Variants in APH1B observed in about 807,000 individuals in gnomAD.
APH1B encodes the protein gamma-secretase subunit APH-1B.
A neutral mutation model predicts 28.2 loss-of-function variants in APH1B; 27 were observed. The observed-to-expected ratio is 0.96, with a 90% CI of 0.70 to 1.32. The LOEUF is 1.32. Ranked by LOEUF, APH1B falls within the 40% of genes most tolerant of loss-of-function variation. The pLI, the probability that APH1B is intolerant of heterozygous loss-of-function variation, is 0.00. For synonymous variants in APH1B, 141 were observed against 124.6 expected, an observed-to-expected ratio of 1.13 and a Z score of -0.88; for missense variants, 305 against 313.6, an observed-to-expected ratio of 0.97 and a Z score of 0.21.
chr15:63,303,871 C>CA (rs879308606), intron 5 of APH1B, among the ~76,000 whole-genome samples: 267 of 70,242 alleles, frequency 3.8e-3, no homozygotes, highest in African/African-American at 9.4e-3. Flanking sequence ...CACACACACA[C>CA]ACAACACACA....
chr15:63,301,450 A>AGTAC (rs1408997782), intron 4 of APH1B, among the ~76,000 whole-genome samples: 2 of 152,256 alleles, frequency 1.3e-5, no homozygotes, highest in Non-Finnish European at 2.9e-5. Flanking sequence ...ACTGTTAACC[A>AGTAC]GTACACAAGA....
At chr15:63,303,806 C>T (rs1310389137) in intron 5 of APH1B, among the ~76,000 whole-genome samples, 1 of 151,630 alleles carries the variant, frequency 6.6e-6, no homozygotes, top group African/African-American at 2.4e-5. Context: ...TCATTCTTAT[C>T]TATTGTGAAT....
At position 63,308,010 on chromosome 15, in the gene APH1B, A is replaced by T. The variant is rs928815384; in HGVS notation, c.*2229A>T. ...CAGCTTAGACACTGTTGTCGCAAAT[A>T]GCCATGCTTTGCCTTATGCCAAGGA... On this transcript the variant is annotated 3_prime_UTR_variant, in exon 6 of 6. Coordinates refer to ENST00000261879, the MANE Select transcript of APH1B (RefSeq NM_031301.4). The T allele has an allele frequency of 1.3e-5, 2 of 152,184 alleles. No individual in the cohort carries two copies. The highest frequency in any genetic ancestry group is 2.9e-5 in the Non-Finnish European group (2 of 68,032). 9.4% of individuals were successfully genotyped at this position (152,184 alleles called of 1,614,324 possible).
intron 1 of APH1B, chr15:63,278,203 A>G: frequency 2.3e-6 from 1 of 430,454 alleles, no homozygotes; most frequent in Non-Finnish European, 4.6e-6. Context: ...ACCCCGATCC[A>G]TTGAATCAGA....
chr15:63,301,600 C>CTT (rs911176475), intron 4 of APH1B, among the ~76,000 whole-genome samples: 3 of 145,090 alleles, frequency 2.1e-5, no homozygotes, highest in African/African-American at 7.6e-5. Context: ...TCTTCTTCTT[C>CTT]TTTTTTTTTT....
chr15:63,289,316 A>T (rs1391889192), intron 4 of APH1B, among the ~76,000 whole-genome samples: 3 of 152,204 alleles, frequency 2.0e-5, no homozygotes, highest in Non-Finnish European at 4.4e-5. Flanking sequence ...TAAGATCCCC[A>T]AATTTATATT....
At chr15:63,280,086 C>T (rs529315760) in intron 2 of APH1B, among the ~76,000 whole-genome samples, 1 of 152,310 alleles carries the variant, frequency 6.6e-6, no homozygotes, top group African/African-American at 2.4e-5. Context: ...GCCTGAGCCA[C>T]CACACCCGGC....
At chr15:63,296,812 C>A (rs2038573243) in intron 4 of APH1B, among the ~76,000 whole-genome samples, 1 of 152,068 alleles carries the variant, frequency 6.6e-6, no homozygotes, top group Non-Finnish European at 1.5e-5. Context: ...TGTGTGCCAC[C>A]ATGCCTGGCT....
At chr15:63,300,377 C>A (rs1441869350) in intron 4 of APH1B, among the ~76,000 whole-genome samples, 1 of 152,178 alleles carries the variant, frequency 6.6e-6, no homozygotes, top group Non-Finnish European at 1.5e-5. Flanking sequence ...GGTGTCATTG[C>A]TTTCTCTTGA....
At position 63,290,641 on chromosome 15, in the gene APH1B, C is replaced by T. The variant is rs193083958; in HGVS notation, c.478+3095C>T. ...CACAAAGGACAGGCTGTAACCCATG[C>T]TCCCAGGCCACAGTACCTTGGCTTT... On this transcript the variant is annotated intron_variant, in intron 4 of 5. Transcript: ENST00000261879. Among the ~76,000 whole-genome samples, 6 of 152,294 alleles carry T rather than the reference C, an allele frequency of 3.9e-5. No individual in the cohort carries two copies. In the East Asian group the frequency reaches 5.8e-4, roughly 15 times the overall value.
Position 63,288,578 on chromosome 15 carries a change from A to G in APH1B, c.478+1032A>G, listed in dbSNP as rs554072736. Among the ~76,000 whole-genome samples the G allele has an allele frequency of 4.5e-4, 68 of 152,292 alleles. No individual in the cohort carries two copies. In the South Asian group the frequency reaches 0.013, roughly 29 times the overall value. ...AATCCTGTATGCAACTACCTAACTA[A>G]TCTTCCCTGCTGCAAAAATGGTTTG... On this transcript the variant is annotated intron_variant, in intron 4 of 5. Transcript: ENST00000261879.
intron 4 of APH1B, among the ~76,000 whole-genome samples, chr15:63,298,600 G>A (rs1373169994): frequency 6.6e-6 from 1 of 152,148 alleles, no homozygotes. Context: ...TCACCTGATA[G>A]TACAACTCAC....
At position 63,292,948 on chromosome 15, in the gene APH1B, C is replaced by T. The variant is rs139554227; in HGVS notation, c.478+5402C>T. Among the ~76,000 whole-genome samples, 416 of 152,186 alleles carry T rather than the reference C, an allele frequency of 2.7e-3. 9 individuals carry two copies. Among genetic ancestry groups the T allele is most frequent in the Admixed American group, 0.024 (369 of 15,292 alleles). ...GGGCTGCGGCTGTAAGACTTGATGG[C>T]TCTTCTAGGTATGTTTCAGGCCACA... On this transcript the variant is annotated intron_variant, in intron 4 of 5. Transcript: ENST00000261879.
Position 63,307,335 on chromosome 15 carries a change from A to G in APH1B, c.*1554A>G, listed in dbSNP as rs1310140819. On this transcript the variant is annotated 3_prime_UTR_variant, in exon 6 of 6. Coordinates refer to ENST00000261879, the MANE Select transcript of APH1B (RefSeq NM_031301.4). Reference sequence around the variant, plus strand: ...ACTAGACCTTTATCGATATCAGTGAACCCCCATGTTTAAAATATTAGAATG... The same window carrying G: ...ACTAGACCTTTATCGATATCAGTGAGCCCCCATGTTTAAAATATTAGAATG... 1.3e-5 allele frequency: 2 copies of G among 152,210 alleles called. No individual in the cohort carries two copies. The highest frequency in any genetic ancestry group is 3.9e-4 in the East Asian group (2 of 5,174). 9.4% of individuals were successfully genotyped at this position (152,210 alleles called of 1,614,324 possible). A position where few individuals can be genotyped will look rare whatever the true frequency, so the allele number is the denominator to read the frequency against.
At position 63,302,388 on chromosome 15, in the gene APH1B, C is replaced by T; in HGVS notation, c.522C>T (p.Gly174=). The change falls in exon 5 of 6, where the codon GGC becomes GGT. Residue 174 remains glycine, a synonymous_variant. Coordinates refer to ENST00000261879, the MANE Select transcript of APH1B (RefSeq NM_031301.4). The stretch of plus-strand genomic sequence containing the variant: ...TTATCTTGCTGCATGTATTCTGGGG[C>T]ATTGTATTTTTTGATGGCTGTGAGA... The part of the protein sequence containing the change: ...LVIILLHVFW[G]IVFFDGCEKK... 1 of 1,613,954 alleles carries T rather than the reference C, an allele frequency of 6.2e-7. No individual in the cohort carries two copies. The highest frequency in any genetic ancestry group is 2.2e-5 in the East Asian group (1 of 44,892).
intron 2 of APH1B, among the ~76,000 whole-genome samples, chr15:63,281,534 G>GAAAAAAAAAA (rs58991721): frequency 1.7e-5 from 2 of 115,368 alleles, no homozygotes; most frequent in Non-Finnish European, 1.9e-5. Flanking sequence ...GTCTAATTTT[G>GAAAAAAAAAA]AAAAAAAAAA....
chr15:63,278,112 G>T (rs568906121), intron 1 of APH1B, among the ~76,000 whole-genome samples: 1 of 152,126 alleles, frequency 6.6e-6, no homozygotes, highest in Non-Finnish European at 1.5e-5. Context: ...AACCATTGGC[G>T]TTTAGGATAG....
rs761975683 is a variant in APH1B at position 63,305,773 on chromosome 15, T to C, written c.766T>C (p.Ser256Pro). ...DKNFLLYNQRSR is the reference protein window; with the variant it reads ...DKNFLLYNQRPR Reference sequence around the variant, plus strand: ...GAACTTTCTTCTTTACAACCAGCGCTCCAGATAACCTCAGGGAACCAGCAC... The same window carrying C: ...GAACTTTCTTCTTTACAACCAGCGCCCCAGATAACCTCAGGGAACCAGCAC... The change falls in exon 6 of 6, where the codon TCC becomes CCC. Residue 256 changes from serine (S) to proline (P), a missense_variant. Physicochemically the swap from Ser to Pro is moderately conservative, Grantham distance 74. Transcript: ENST00000261879. The C allele has an allele frequency of 6.2e-7, 1 of 1,613,798 alleles. No homozygotes were observed. The highest frequency in any genetic ancestry group is 8.5e-7 in the Non-Finnish European group (1 of 1,179,924).
intron 3 of APH1B, 69 bp from the exon 4 acceptor site, chr15:63,287,355 C>G (rs996416919): frequency 1.9e-6 from 3 of 1,593,224 alleles, no homozygotes; most frequent in Middle Eastern, 1.7e-4. Flanking sequence ...TTTGTATTAA[C>G]TAGTCCTTGG....
Sources: gnomAD v4.1 joint callset for allele counts (sites outside exome capture counted in the v4.1 genomes callset) on GRCh38, gnomAD v4.1.1 for gene constraint, MANE v1.5 for transcripts, NCBI Gene and HGNC (gene_info 2026-07-23, HGNC 2026-07-21) for gene names.